The following TRAM1 variants were observed in gnomAD, a reference collection of about 807,000 sequenced individuals.
TRAM1 encodes the protein translocation associated membrane protein 1.
A neutral mutation model predicts 48.7 loss-of-function variants in TRAM1; 17 were observed. The ratio of observed to expected loss-of-function variants is 0.35; its 90% CI spans 0.24 to 0.52. The LOEUF (loss-of-function observed/expected upper bound fraction) is 0.52. Ranked by LOEUF, TRAM1 falls within the 20% of genes least tolerant of loss-of-function variation. The pLI is 0.94. For missense variants in TRAM1, 351 were observed against 441.5 expected, an observed-to-expected ratio of 0.79 and a Z score of 1.84; for synonymous variants, 182 against 154.0, an observed-to-expected ratio of 1.18 and a Z score of -1.34.
chr8:70,600,650 G>A (rs550504319), intron 1 of TRAM1, among the ~76,000 whole-genome samples: 1 of 152,294 alleles, frequency 6.6e-6, no homozygotes, highest in South Asian at 2.1e-4. Context: ...AGACAAAAAA[G>A]GACGAGATGA....
At chr8:70,607,122 G>GA in intron 1 of TRAM1, 2 of 983,184 alleles carry the variant, frequency 2.0e-6, no homozygotes, top group Non-Finnish European at 2.4e-6. Context: ...ATTAAAAAGG[G>GA]AAAAAAGCAA....
chr8:70,589,207 A>G (rs1204807856), intron 6 of TRAM1, among the ~76,000 whole-genome samples: 1 of 152,220 alleles, frequency 6.6e-6, no homozygotes. Context: ...AATTGATACC[A>G]AGTTTACAGT....
chr8:70,582,158 C>T (rs1449488269), intron 10 of TRAM1, among the ~76,000 whole-genome samples: 1 of 152,088 alleles, frequency 6.6e-6, no homozygotes, highest in South Asian at 2.1e-4. Context: ...TTAAAGACAA[C>T]CTAAATAAAC....
Position 70,575,403 on chromosome 8 carries a change from G to A in TRAM1, c.1052-398C>T, listed in dbSNP as rs575807811. On this transcript the variant is annotated intron_variant, in intron 10 of 10. Coordinates refer to ENST00000262213, the MANE Select transcript of TRAM1 (RefSeq NM_014294.6). ...TTTCTATGTGGAGGCGTGTATTATG[G>A]CCTTCTTTTTATTTATTTATGTTAC... Among the ~76,000 whole-genome samples, 10 of 152,224 alleles carry A rather than the reference G, an allele frequency of 6.6e-5. No individual in the cohort carries two copies. In the East Asian group the frequency reaches 1.9e-3, roughly 29 times the overall value.
chr8:70,586,107 G>C (rs994858795), intron 8 of TRAM1, among the ~76,000 whole-genome samples: 1 of 151,752 alleles, frequency 6.6e-6, no homozygotes, highest in Admixed American at 6.5e-5. Flanking sequence ...AAAATGAAGA[G>C]TTCATGTCCT....
chr8:70,595,560 T>C (rs1452536271), intron 5 of TRAM1, among the ~76,000 whole-genome samples: 2 of 152,136 alleles, frequency 1.3e-5, no homozygotes, highest in Non-Finnish European at 2.9e-5. Context: ...ATGAAGGATA[T>C]AAAATAGTTT....
At chr8:70,595,571 T>C (rs181929953) in intron 5 of TRAM1, among the ~76,000 whole-genome samples, 112 of 152,226 alleles carry the variant, frequency 7.4e-4, no homozygotes, top group African/African-American at 2.5e-3. Flanking sequence ...AAAATAGTTT[T>C]TACCGCTACC....
chr8:70,608,160 G>T lies in TRAM1; in HGVS notation c.40C>A (p.Leu14Met). 6.3e-7 allele frequency: 1 copy of T among 1,595,642 alleles called. No homozygotes were observed. Among genetic ancestry groups the T allele is most frequent in the Non-Finnish European group, 8.5e-7 (1 of 1,172,342 alleles). Residue 14 changes from leucine to methionine, a missense_variant, in exon 1 of 11, where the codon CTG becomes ATG. Transcript: ENST00000262213. ...TTCTGCAGGACGAATTCGTGGCTCA[G>T]CACTGGGGGGCTCTTGGTGCTTTTC... Reference protein sequence around the residue: ...RKKSTKSPPVLSHEFVLQNHA... With the variant: ...RKKSTKSPPVMSHEFVLQNHA...
rs1341832232 is a variant in TRAM1, at chr8:70,586,954, A to G, written c.687T>C (p.Val229=). 1.9e-6 allele frequency: 3 copies of G among 1,613,812 alleles called. No individual in the cohort carries two copies. The African/African-American group carries it at 4.0e-5, about 22-fold the overall frequency. ...GGCGGGAAATGTGGAAAAGAAATTC[A>G]ACAAAATAATGTAGCACCAGAAGAA... ...GLVLLVLHYF[V]EFLFHISRLF... is the part of the protein sequence containing the mutation. Residue 229 remains valine, a synonymous_variant, in exon 8 of 11, where the codon GTT becomes GTC. Coordinates refer to ENST00000262213, the MANE Select transcript of TRAM1 (RefSeq NM_014294.6).
In TRAM1 at chr8:70,574,741, C is replaced by G; in HGVS notation, c.*191G>C. 1 of 487,744 alleles carries G rather than the reference C, an allele frequency of 2.1e-6. No individual in the cohort carries two copies. The highest frequency in any genetic ancestry group is 3.8e-5 in the East Asian group (1 of 26,510). 30.2% of individuals were successfully genotyped at this position (487,744 alleles called of 1,614,324 possible). A position where few individuals can be genotyped will look rare whatever the true frequency, so the allele number is the denominator to read the frequency against. On this transcript the variant is annotated 3_prime_UTR_variant, in exon 11 of 11. Transcript: ENST00000262213. Reference sequence around the variant, plus strand: ...TTGAAGGCAGGTAGCTTAGTCTAAGCTAAAATATTTTTTTCATTCATAGCA... The same window carrying G: ...TTGAAGGCAGGTAGCTTAGTCTAAGGTAAAATATTTTTTTCATTCATAGCA...
chr8:70,596,011 G>A (rs1036751549), intron 5 of TRAM1, among the ~76,000 whole-genome samples: 4 of 151,996 alleles, frequency 2.6e-5, no homozygotes, highest in African/African-American at 9.7e-5. Context: ...GGGAAAAGAA[G>A]CGAGTACCAA....
At chr8:70,605,043 A>G (rs1817690352) in intron 1 of TRAM1, among the ~76,000 whole-genome samples, 1 of 152,210 alleles carries the variant, frequency 6.6e-6, no homozygotes, top group Non-Finnish European at 1.5e-5. Context: ...GTTCCCTGGA[A>G]ATTAAACTCT....
intron 1 of TRAM1, 191 bp downstream of exon 1, chr8:70,607,886 G>A (rs1369940764): frequency 3.3e-6 from 2 of 604,872 alleles, no homozygotes; most frequent in South Asian, 4.5e-5. Flanking sequence ...GCATCTCCGG[G>A]CCGGCCGCCG....
At chr8:70,585,469 A>G (rs1428908838) in intron 8 of TRAM1, among the ~76,000 whole-genome samples, 1 of 151,664 alleles carries the variant, frequency 6.6e-6, no homozygotes, top group Non-Finnish European at 1.5e-5. Context: ...AAAAGAAACT[A>G]CCATCAGAGT....
intron 6 of TRAM1, among the ~76,000 whole-genome samples, chr8:70,588,985 T>C (rs1817288911): frequency 6.6e-6 from 1 of 152,218 alleles, no homozygotes; most frequent in African/African-American, 2.4e-5. Flanking sequence ...TTAGCACAGT[T>C]GAGTGCAGGT....
intron 7 of TRAM1, 21 bp downstream of exon 7, chr8:70,587,085 C>A: frequency 6.2e-7 from 1 of 1,613,446 alleles, no homozygotes; most frequent in Non-Finnish European, 8.5e-7. Flanking sequence ...ACTTACACAC[C>A]CATGAAATAT....
rs1816874503 is a variant in TRAM1, at chr8:70,573,775, T to TAAG, written c.*1154_*1156dup. The TAAG allele has an allele frequency of 2.6e-5, 4 of 152,376 alleles. No homozygotes were observed. Among genetic ancestry groups the TAAG allele is most frequent in the Admixed American group, 1.3e-4 (2 of 15,262 alleles). 9.4% of individuals were successfully genotyped at this position (152,376 alleles called of 1,614,324 possible). A position where few individuals can be genotyped will look rare whatever the true frequency, so the allele number is the denominator to read the frequency against. On this transcript the variant is annotated 3_prime_UTR_variant, in exon 11 of 11. Transcript: ENST00000262213. ...ATGATGAATAAACCAAATGTAGCTA[T>TAAG]AAGAATCTTAAAGGATGATTATAGA... is the stretch of plus-strand genomic sequence containing the variant.
At chr8:70,576,942 G>A (rs1586748723) in intron 10 of TRAM1, among the ~76,000 whole-genome samples, 1 of 152,188 alleles carries the variant, frequency 6.6e-6, no homozygotes, top group South Asian at 2.1e-4. Flanking sequence ...TTGGAGTGAA[G>A]GTGAGACTGA....
At chr8:70,586,820 G>T (rs995876518) in intron 8 of TRAM1, 75 bp downstream of exon 8, 1 of 1,242,914 alleles carries the variant, frequency 8.0e-7, no homozygotes, top group Non-Finnish European at 1.2e-6. Flanking sequence ...ATGGCCTAAA[G>T]CATGGATCTT....
Sources: allele counts gnomAD v4.1 joint callset (sites outside exome capture counted in the v4.1 genomes callset), GRCh38; gene constraint gnomAD v4.1.1; transcripts MANE v1.5; gene names NCBI Gene and HGNC (gene_info 2026-07-23, HGNC 2026-07-21).